The following MYO18B variants were observed in gnomAD, a reference collection of about 807,000 sequenced individuals.
MYO18B encodes unconventional myosin-XVIIIb.
A neutral mutation model predicts 273.0 loss-of-function variants in MYO18B; 204 were observed. That is an observed-to-expected ratio of 0.75 (90% CI 0.67 to 0.84). The LOEUF (loss-of-function observed/expected upper bound fraction) is 0.84. Ranked by LOEUF, MYO18B falls within the 40% of genes least tolerant of loss-of-function variation. MYO18B has a pLI of 0.00. For synonymous variants in MYO18B, 1,330 were observed against 1,305.7 expected (o/e 1.02, Z -0.40); for missense variants, 3,212 against 3,287.6 (o/e 0.98, Z 0.56).
At chr22:25,752,721 C>T (rs1018509047) in intron 1 of MYO18B, among the ~76,000 whole-genome samples, 2 of 152,226 alleles carry the variant, frequency 1.3e-5, no homozygotes, top group Non-Finnish European at 2.9e-5. Context: ...CCCTTGCTCG[C>T]TCTCGGTGCC....
intron 39 of MYO18B, among the ~76,000 whole-genome samples, chr22:25,974,673 G>A (rs1457872946): frequency 2.6e-5 from 4 of 152,202 alleles, no homozygotes; most frequent in Non-Finnish European, 5.9e-5. Flanking sequence ...AAAACAGGCA[G>A]GAGGCCAGAT....
chr22:26,011,132 G>A (rs1218063692), intron 42 of MYO18B, among the ~76,000 whole-genome samples: 1 of 150,600 alleles, frequency 6.6e-6, no homozygotes, highest in Non-Finnish European at 1.5e-5. Flanking sequence ...ATGGGGATTT[G>A]GTTCCCCACC....
At chr22:25,783,176 ACAGGCCCTGAC>A (rs920538295) in intron 10 of MYO18B, among the ~76,000 whole-genome samples, 9 of 152,272 alleles carry the variant, frequency 5.9e-5, no homozygotes, top group South Asian at 4.2e-4. Flanking sequence ...GATACCCCTG[ACAGGCCCTGAC>A]CAGGCCCTGA....
intron 29 of MYO18B, chr22:25,898,662 A>G: frequency 3.5e-6 from 2 of 577,458 alleles, no homozygotes; most frequent in Non-Finnish European, 5.8e-6. Context: ...TCTCTTAGCC[A>G]GCCTCAACTA....
chr22:26,001,763 G>T (rs904063134), intron 40 of MYO18B, among the ~76,000 whole-genome samples: 1 of 152,236 alleles, frequency 6.6e-6, no homozygotes, highest in East Asian at 1.9e-4. Flanking sequence ...AGGAGGGAAT[G>T]GGTCTCTAGT....
chr22:25,935,588 AAAG>A (rs76639247), intron 34 of MYO18B, among the ~76,000 whole-genome samples: 44,214 of 140,834 alleles, frequency 0.31, 8,061 homozygotes, highest in Non-Finnish European at 0.43. Flanking sequence ...GGAAAGGAGA[AAAG>A]AAGAGAAAAA....
At chr22:25,807,274 G>A (rs1014960923) in intron 12 of MYO18B, among the ~76,000 whole-genome samples, 12 of 152,346 alleles carry the variant, frequency 7.9e-5, no homozygotes, top group Non-Finnish European at 1.0e-4. Context: ...GAGGCCAAGG[G>A]TAGTGTAGGG....
intron 1 of MYO18B, among the ~76,000 whole-genome samples, chr22:25,752,070 G>T (rs570867216): frequency 5.9e-5 from 9 of 152,306 alleles, no homozygotes; most frequent in Admixed American, 2.6e-4. Context: ...AGCACAGGGG[G>T]ACATCAGAAA....
chr22:25,956,776 C>T (rs897210201), intron 39 of MYO18B, among the ~76,000 whole-genome samples: 1 of 152,178 alleles, frequency 6.6e-6, no homozygotes, highest in African/African-American at 2.4e-5. Context: ...CCAGAGGTCT[C>T]TAAATTACAT....
intron 6 of MYO18B, among the ~76,000 whole-genome samples, 188 bp from the exon 7 acceptor site, chr22:25,772,145 AG>A (rs1452126063): frequency 1.3e-5 from 2 of 151,850 alleles, no homozygotes; most frequent in Non-Finnish European, 2.9e-5. Context: ...GGCAAGGAGA[AG>A]GGATGGCCCT....
intron 14 of MYO18B, among the ~76,000 whole-genome samples, chr22:25,828,463 C>T (rs1291229002): frequency 1.3e-5 from 2 of 151,586 alleles, no homozygotes; most frequent in Non-Finnish European, 2.9e-5. Context: ...AAAGGAGGGC[C>T]TAGGCTTCAT....
chr22:25,874,839 C>T (rs2146188995), intron 23 of MYO18B, among the ~76,000 whole-genome samples: 1 of 152,276 alleles, frequency 6.6e-6, no homozygotes, highest in South Asian at 2.1e-4. Context: ...TGTAGCTGCA[C>T]AATAGAGAGA....
Position 25,952,441 on chromosome 22 carries a change from A to C in MYO18B, c.5970+18A>C. On this transcript the variant is annotated intron_variant, in intron 38 of 43. Transcript: ENST00000335473. ...GATTTGAGGTACGTAGTGATTCATA[A>C]ATAGTGCCTGGGCCAAGAGCAGGGA... 7 of 1,612,428 alleles carry C rather than the reference A, an allele frequency of 4.3e-6. No individual in the cohort carries two copies. In the South Asian group the frequency reaches 7.7e-5, roughly 18 times the overall value.
chr22:25,875,512 C>A (rs999793775), intron 23 of MYO18B, among the ~76,000 whole-genome samples: 3 of 151,626 alleles, frequency 2.0e-5, no homozygotes, highest in African/African-American at 4.8e-5. Flanking sequence ...TGGTCCCCCC[C>A]CCAGTGATAA....
In MYO18B at chr22:25,999,313, G is replaced by A. The variant is rs77165771; in HGVS notation, c.6288-3952G>A. On this transcript the variant is annotated intron_variant, in intron 40 of 43. Coordinates refer to ENST00000335473, the MANE Select transcript of MYO18B (RefSeq NM_032608.7). ...TTCTCTGCCCAGTAACTGCCCTGTC[G>A]TTAAGGAGAACTTGTATCTGTCACT... Among the ~76,000 whole-genome samples, 1,491 of 152,134 alleles carry A rather than the reference G, an allele frequency of 9.8e-3. 27 individuals carry two copies. The highest frequency in any genetic ancestry group is 0.034 in the African/African-American group (1,409 of 41,484).
chr22:25,864,509 AGAG>A (rs2090831199), intron 21 of MYO18B, among the ~76,000 whole-genome samples: 1 of 152,170 alleles, frequency 6.6e-6, no homozygotes, highest in African/African-American at 2.4e-5. Flanking sequence ...TGAAGACCAG[AGAG>A]GAGGAGAGGC....
intron 14 of MYO18B, among the ~76,000 whole-genome samples, chr22:25,826,925 G>T (rs1163480416): frequency 6.6e-6 from 1 of 152,104 alleles, no homozygotes; most frequent in Non-Finnish European, 1.5e-5. Flanking sequence ...GCTGGGCGTG[G>T]TGGTGGGCGC....
chr22:26,021,709 T>C (rs1250545808), intron 42 of MYO18B, among the ~76,000 whole-genome samples: 4 of 152,234 alleles, frequency 2.6e-5, no homozygotes, highest in Non-Finnish European at 5.9e-5. Context: ...GTCACATGGC[T>C]AGTGAGTGGT....
chr22:25,911,172 T>C, intron 33 of MYO18B, 122 bp downstream of exon 33: 3 of 735,222 alleles, frequency 4.1e-6, no homozygotes, highest in Admixed American at 2.4e-5. Flanking sequence ...TCCCACCATA[T>C]TCACTGGCTC....
Sources: allele counts gnomAD v4.1 joint callset (sites outside exome capture counted in the v4.1 genomes callset), GRCh38; gene constraint gnomAD v4.1.1; transcripts MANE v1.5; gene names NCBI Gene and HGNC (gene_info 2026-07-23, HGNC 2026-07-21).